ARHGAP6: variants seen among roughly 807,000 people sequenced by gnomAD.
ARHGAP6 encodes the protein Rho GTPase activating protein 6, also known as rho GTPase-activating protein 6.
A neutral mutation model predicts 55.7 loss-of-function variants in ARHGAP6; 16 were observed. That is an observed-to-expected ratio of 0.29 (90% confidence interval 0.19 to 0.44). The LOEUF (loss-of-function observed/expected upper bound fraction) is 0.44. Ranked by LOEUF, ARHGAP6 falls within the 20% of genes least tolerant of loss-of-function variation. ARHGAP6 has a pLI of 1.00. For synonymous variants in ARHGAP6, 382 were observed against 360.9 expected, an observed-to-expected ratio of 1.06 and a Z score of -0.66; for missense variants, 698 against 808.9, an observed-to-expected ratio of 0.86 and a Z score of 1.66.
chrX:11,577,877 C>T (rs780577001), intron 1 of ARHGAP6, among the ~76,000 whole-genome samples: 8 of 110,958 alleles, frequency 7.2e-5, no homozygotes, highest in Admixed American at 1.9e-4. Flanking sequence ...CATCATCTTT[C>T]GGCCGATACC....
chrX:11,491,208 T>G (rs1487185259), intron 1 of ARHGAP6, among the ~76,000 whole-genome samples: 4 of 112,149 alleles, frequency 3.6e-5, no homozygotes, highest in Admixed American at 2.8e-4. Context: ...CTTTAATATA[T>G]GGTTTATTTT....
At chrX:11,387,980 T>A (rs758289003) in intron 1 of ARHGAP6, among the ~76,000 whole-genome samples, 76 of 112,164 alleles carry the variant, frequency 6.8e-4, no homozygotes, top group Non-Finnish European at 4.9e-4. Flanking sequence ...TGGTTCCAAG[T>A]CTTTGCTATT....
chrX:11,644,294 T>A (rs1347857866), intron 1 of ARHGAP6, among the ~76,000 whole-genome samples: 2 of 110,767 alleles, frequency 1.8e-5, no homozygotes, highest in Non-Finnish European at 3.8e-5. Flanking sequence ...ATAATTTATG[T>A]TGCCTCCCAA....
intron 1 of ARHGAP6, among the ~76,000 whole-genome samples, chrX:11,614,791 G>A (rs1230537117): frequency 8.9e-6 from 1 of 112,003 alleles, no homozygotes; most frequent in African/African-American, 3.2e-5. Flanking sequence ...TGGGAGAGGC[G>A]AAGAAAACGT....
intron 1 of ARHGAP6, among the ~76,000 whole-genome samples, chrX:11,342,693 C>A (rs2048722201): frequency 8.9e-6 from 1 of 111,855 alleles, no homozygotes; most frequent in South Asian, 3.7e-4. Context: ...GATTTTTATG[C>A]CTACAAAATA....
chrX:11,541,182 G>C (rs2051154399), intron 1 of ARHGAP6, among the ~76,000 whole-genome samples: 1 of 112,115 alleles, frequency 8.9e-6, no homozygotes, highest in Non-Finnish European at 1.9e-5. Flanking sequence ...GAAGCACCAG[G>C]GCTGGTCAGG....
chrX:11,554,441 A>G (rs1440970554), intron 1 of ARHGAP6, among the ~76,000 whole-genome samples: 3 of 112,136 alleles, frequency 2.7e-5, no homozygotes, highest in Non-Finnish European at 5.6e-5. Flanking sequence ...CTAGAAGAAA[A>G]GATTTGAAAT....
intron 1 of ARHGAP6, among the ~76,000 whole-genome samples, chrX:11,579,028 C>T (rs987547375): frequency 4.6e-4 from 6 of 12,942 alleles, no homozygotes; most frequent in African/African-American, 1.3e-3. Flanking sequence ...CGGGGCCTGT[C>T]GTGGGGTGGG....
intron 1 of ARHGAP6, among the ~76,000 whole-genome samples, chrX:11,422,884 G>T (rs2049838287): frequency 8.9e-6 from 1 of 111,780 alleles, no homozygotes; most frequent in Non-Finnish European, 1.9e-5. Context: ...AAGGAGGGGA[G>T]ATGTAGCTTC....
chrX:11,529,280 T>C (rs1262174912), intron 1 of ARHGAP6, among the ~76,000 whole-genome samples: 2 of 112,166 alleles, frequency 1.8e-5, no homozygotes, highest in Non-Finnish European at 3.8e-5. Flanking sequence ...AGTGCACGAA[T>C]CATGCTCTAG....
At chrX:11,472,237 A>T (rs147302214) in intron 1 of ARHGAP6, among the ~76,000 whole-genome samples, 6 of 111,787 alleles carry the variant, frequency 5.4e-5, no homozygotes, top group African/African-American at 1.3e-4. Context: ...CCTCCACCCC[A>T]GTTGTAAGAA....
chrX:11,496,089 C>T (rs953470060), intron 1 of ARHGAP6, among the ~76,000 whole-genome samples: 3 of 112,391 alleles, frequency 2.7e-5, no homozygotes, highest in African/African-American at 9.7e-5. Flanking sequence ...ACCTTAACTG[C>T]AGCCTCATAT....
At chrX:11,275,793 G>A (rs780971760) in intron 1 of ARHGAP6, among the ~76,000 whole-genome samples, 1 of 111,487 alleles carries the variant, frequency 9.0e-6, no homozygotes, top group African/African-American at 3.3e-5. Context: ...GGACTTCATG[G>A]TTAGGGTGAG....
intron 1 of ARHGAP6, among the ~76,000 whole-genome samples, chrX:11,663,485 A>G (rs1452809364): frequency 1.1e-4 from 12 of 111,931 alleles, no homozygotes; most frequent in African/African-American, 3.9e-4. Flanking sequence ...ACAGTTTCCC[A>G]ATAGGTCAAT....
chrX:11,176,337 A>C (rs1488523657), intron 8 of ARHGAP6, among the ~76,000 whole-genome samples: 1 of 62,286 alleles, frequency 1.6e-5, no homozygotes, highest in Non-Finnish European at 2.9e-5. Context: ...ATATATATAT[A>C]TATATATATA....
chrX:11,575,168 G>A (rs1346089727), intron 1 of ARHGAP6, among the ~76,000 whole-genome samples: 1 of 111,179 alleles, frequency 9.0e-6, no homozygotes, highest in Non-Finnish European at 1.9e-5. Flanking sequence ...GTCACTTCCA[G>A]GTCAGGCTCA....
intron 1 of ARHGAP6, among the ~76,000 whole-genome samples, chrX:11,359,759 C>A (rs1315235833): frequency 9.0e-6 from 1 of 110,975 alleles, no homozygotes; most frequent in Non-Finnish European, 1.9e-5. Flanking sequence ...AGACCGCTAG[C>A]AAGACTAATA....
At chrX:11,342,857 T>C (rs1333536096) in intron 1 of ARHGAP6, among the ~76,000 whole-genome samples, 1 of 112,572 alleles carries the variant, frequency 8.9e-6, no homozygotes, top group Non-Finnish European at 1.9e-5. Context: ...ACTAGTACTA[T>C]GGAAATGCCT....
intron 6 of ARHGAP6, 113 bp downstream of exon 6, chrX:11,181,950 T>TAAAAA (rs754110970): frequency 4.9e-5 from 24 of 490,766 alleles, no homozygotes; most frequent in Non-Finnish European, 7.0e-5. Context: ...GCTTGGAGGG[T>TAAAAA]AAAAAAAAAA....
Sources: gnomAD v4.1 joint callset for allele counts (sites outside exome capture counted in the v4.1 genomes callset) on GRCh38, gnomAD v4.1.1 for gene constraint, MANE v1.5 for transcripts, NCBI Gene and HGNC (gene_info 2026-07-23, HGNC 2026-07-21) for gene names.